The following FAT3 variants were observed in gnomAD, a reference collection of about 807,000 sequenced individuals.
FAT3 encodes the protein protocadherin Fat 3.
Under a neutral mutation model 310.2 loss-of-function variants are expected in FAT3, and 95 were observed. That is an observed-to-expected ratio of 0.31 (90% CI 0.26 to 0.36). The LOEUF (loss-of-function observed/expected upper bound fraction) is 0.36, where lower values mean the gene tolerates loss of function less well. FAT3 is among the 10% of genes least tolerant of loss of function. FAT3 has a pLI of 1.00. For synonymous variants in FAT3, 2,314 were observed against 2,192.9 expected (o/e 1.06, Z -1.54); for missense variants, 5,408 against 5,715.6 (o/e 0.95, Z 1.74).
chr11:92,241,849 G>A (rs1295572918), intron 1 of FAT3, among the ~76,000 whole-genome samples: 1 of 151,922 alleles, frequency 6.6e-6, no homozygotes, highest in Non-Finnish European at 1.5e-5. Flanking sequence ...GTTTTAAATG[G>A]TTAACTAATT....
chr11:92,426,570 G>T (rs551063939), intron 2 of FAT3, among the ~76,000 whole-genome samples: 6 of 152,140 alleles, frequency 3.9e-5, no homozygotes, highest in African/African-American at 1.4e-4. Flanking sequence ...TAAGGAAGGG[G>T]TCAAGTTTCA....
intron 2 of FAT3, among the ~76,000 whole-genome samples, chr11:92,401,016 T>C (rs1034770351): frequency 1.3e-5 from 2 of 152,174 alleles, no homozygotes; most frequent in African/African-American, 4.8e-5. Context: ...AGGAGACACC[T>C]TGTTTCAACC....
At chr11:92,441,838 G>A (rs953064088) in intron 2 of FAT3, among the ~76,000 whole-genome samples, 1 of 151,726 alleles carries the variant, frequency 6.6e-6, no homozygotes, top group Non-Finnish European at 1.5e-5. Flanking sequence ...CTAGGGATGG[G>A]TCTTACTCAG....
chr11:92,446,939 T>C (rs1951226566), intron 2 of FAT3, among the ~76,000 whole-genome samples: 1 of 152,140 alleles, frequency 6.6e-6, no homozygotes, highest in Admixed American at 6.6e-5. Flanking sequence ...AACTTGCAGT[T>C]TTATATCTTT....
At position 92,524,654 on chromosome 11, in the gene FAT3, A is replaced by G. The variant is rs377199920; in HGVS notation, c.3313A>G (p.Ile1105Val). The G allele has an allele frequency of 6.2e-7, 1 of 1,613,240 alleles. No individual in the cohort carries two copies. The highest frequency in any genetic ancestry group is 2.2e-5 in the East Asian group (1 of 44,846). Residue 1105 changes from isoleucine (I) to valine (V), a missense_variant, in exon 3 of 28, where the codon ATT (isoleucine) becomes GTT (valine). Physicochemically the swap from Ile to Val is conservative, Grantham distance 29. Transcript: ENST00000525166. Reference sequence around the variant, plus strand: ...CTCAGGGGTCATCACTGCCGCAGACATTCTTGATCGGGAGACAATGGGGTC... The same window carrying G: ...CTCAGGGGTCATCACTGCCGCAGACGTTCTTGATCGGGAGACAATGGGGTC... ...DESGVITAAD[I>V]LDRETMGSYW...
At chr11:92,395,119 A>T (rs968298818) in intron 2 of FAT3, among the ~76,000 whole-genome samples, 1 of 152,204 alleles carries the variant, frequency 6.6e-6, no homozygotes, top group Admixed American at 6.6e-5. Context: ...ATTAGCTAAA[A>T]TATTTTCAGG....
intron 13 of FAT3, among the ~76,000 whole-genome samples, 172 bp from the exon 14 acceptor site, chr11:92,831,450 C>CT (rs958358714): frequency 6.6e-6 from 1 of 152,016 alleles, no homozygotes; most frequent in Non-Finnish European, 1.5e-5. Flanking sequence ...ATTCCATTGT[C>CT]TTTTTTTTCC....
chr11:92,415,840 G>A (rs1295240350), intron 2 of FAT3, among the ~76,000 whole-genome samples: 1 of 122,400 alleles, frequency 8.2e-6, no homozygotes, highest in African/African-American at 3.4e-5. Flanking sequence ...TTTAGCATAA[G>A]CATTTTTGCT....
intron 24 of FAT3, among the ~76,000 whole-genome samples, chr11:92,886,318 AAGT>A (rs1319063152): frequency 7.2e-6 from 1 of 139,328 alleles, no homozygotes; most frequent in Non-Finnish European, 1.6e-5. Flanking sequence ...TCAAATAAGA[AAGT>A]AGCCCTGGTG....
At chr11:92,275,194 AC>A (rs1396226322) in intron 1 of FAT3, among the ~76,000 whole-genome samples, 11 of 151,866 alleles carry the variant, frequency 7.2e-5, no homozygotes, top group Non-Finnish European at 2.9e-5. Flanking sequence ...CCTAGGCCAG[AC>A]CCTCATCTTC....
chr11:92,868,614 C>T (rs989431798), intron 22 of FAT3, among the ~76,000 whole-genome samples: 31 of 152,268 alleles, frequency 2.0e-4, no homozygotes, highest in African/African-American at 6.7e-4. Flanking sequence ...AACACCACTC[C>T]ATGTCAAATG....
chr11:92,392,604 G>A (rs938049646), intron 2 of FAT3, among the ~76,000 whole-genome samples: 1 of 152,108 alleles, frequency 6.6e-6, no homozygotes, highest in African/African-American at 2.4e-5. Flanking sequence ...CTGTAATGTA[G>A]CACATTGCAC....
chr11:92,527,441 T>C (rs752841300), intron 3 of FAT3, among the ~76,000 whole-genome samples: 1 of 152,192 alleles, frequency 6.6e-6, no homozygotes, highest in Non-Finnish European at 1.5e-5. Flanking sequence ...GTTACAGTCA[T>C]TTAATCTCTT....
chr11:92,720,805 A>G (rs12420894), intron 4 of FAT3, among the ~76,000 whole-genome samples: 4 of 152,198 alleles, frequency 2.6e-5, no homozygotes, highest in Admixed American at 2.6e-4. Flanking sequence ...TTATTAAACT[A>G]TACCTGTGCT....
At chr11:92,522,448 C>G (rs1051619872) in intron 2 of FAT3, among the ~76,000 whole-genome samples, 2 of 152,106 alleles carry the variant, frequency 1.3e-5, no homozygotes, top group African/African-American at 4.8e-5. Flanking sequence ...GGTCCTTTAT[C>G]AACTAAGATG....
intron 1 of FAT3, among the ~76,000 whole-genome samples, chr11:92,313,551 T>C (rs976127351): frequency 1.1e-4 from 16 of 152,110 alleles, no homozygotes; most frequent in Non-Finnish European, 1.8e-4. Context: ...AACCCATTTT[T>C]TGTTTTGTTT....
rs768664363 is a variant in FAT3 at position 92,792,915 on chromosome 11, A to C, written c.4760A>C (p.Gln1587Pro). 1 of 1,613,806 alleles carries C rather than the reference A, an allele frequency of 6.2e-7. No individual in the cohort carries two copies. The highest frequency in any genetic ancestry group is 2.2e-5 in the East Asian group (1 of 44,842). The part of the protein sequence containing the change: ...ESAALGSAVL[Q>P]VTALDKDKGE... ...GCTGCTCTGGGATCAGCTGTTCTGC[A>C]AGTGACGGCTCTGGACAAAGACAAA... Residue 1587 changes from glutamine to proline, a missense_variant, in exon 9 of 28, where the codon CAA (glutamine) becomes CCA (proline). Transcript: ENST00000525166.
At chr11:92,541,021 T>C (rs1213226457) in intron 3 of FAT3, among the ~76,000 whole-genome samples, 1 of 152,180 alleles carries the variant, frequency 6.6e-6, no homozygotes, top group African/African-American at 2.4e-5. Context: ...ATAAGAAATA[T>C]ATTGGCAATT....
At chr11:92,445,160 G>A (rs906558338) in intron 2 of FAT3, among the ~76,000 whole-genome samples, 4 of 152,156 alleles carry the variant, frequency 2.6e-5, no homozygotes, top group South Asian at 2.1e-4. Context: ...AATAAAATAC[G>A]TTATTTAAGA....
Sources: gnomAD v4.1 joint callset for allele counts (sites outside exome capture counted in the v4.1 genomes callset) on GRCh38, gnomAD v4.1.1 for gene constraint, MANE v1.5 for transcripts, NCBI Gene and HGNC (gene_info 2026-07-23, HGNC 2026-07-21) for gene names.